Variants in NBAS observed in about 807,000 individuals in gnomAD.
The protein encoded by NBAS is NBAS subunit of NRZ tethering complex.
A neutral mutation model predicts 302.5 loss-of-function variants in NBAS; 219 were observed. The observed-to-expected ratio is 0.72, with a 90% CI of 0.65 to 0.81. The LOEUF is 0.81. Ranked by LOEUF, NBAS falls within the 30% of genes least tolerant of loss-of-function variation. The pLI, the probability that NBAS is intolerant of heterozygous loss-of-function variation, is 0.00. For missense variants in NBAS, 2,932 were observed against 2,841.6 expected, an observed-to-expected ratio of 1.03 and a Z score of -0.72; for synonymous variants, 1,118 against 1,021.6, an observed-to-expected ratio of 1.09 and a Z score of -1.80.
chr2:14,933,863 A>G, the NBAS span, among the ~76,000 whole-genome samples: 1 of 152,218 alleles, frequency 6.6e-6, no homozygotes, highest in Non-Finnish European at 1.5e-5. Context: ...TAGAAATAGA[A>G]GTATTTTATT....
intron 24 of NBAS, 141 bp from the exon 25 acceptor site, chr2:15,415,860 G>A: frequency 1.2e-6 from 1 of 867,020 alleles, no homozygotes. Context: ...AAAACACACA[G>A]TCCAGTTCAC....
intron 26 of NBAS, among the ~76,000 whole-genome samples, chr2:15,400,575 G>A (rs935327608): frequency 2.6e-5 from 4 of 152,102 alleles, no homozygotes; most frequent in African/African-American, 9.7e-5. Flanking sequence ...GGTAGGCAAA[G>A]ACAAGGAAAA....
At position 15,509,919 on chromosome 2, in the gene NBAS, G is replaced by A. The variant is rs566224114; in HGVS notation, c.885+1293C>T. 5.1e-4 allele frequency among the ~76,000 whole-genome samples: 77 copies of A among 152,070 alleles called. 1 individual carries two copies. The South Asian group carries it at 9.7e-3, about 19-fold the overall frequency. On this transcript the variant is annotated intron_variant, in intron 10 of 51. Transcript: ENST00000281513. ...GGCTGGAGTGCAGTGGCACAATCTC[G>A]GCTCACTGCAACCTCCGCCTCCCAG...
At chr2:15,454,315 A>G (rs551142043) in intron 21 of NBAS, among the ~76,000 whole-genome samples, 17 of 152,248 alleles carry the variant, frequency 1.1e-4, no homozygotes, top group African/African-American at 4.1e-4. Flanking sequence ...GGAAAAATAG[A>G]GTTTATTTCC....
chr2:15,235,830 G>T (rs937760934), intron 45 of NBAS, among the ~76,000 whole-genome samples: 8 of 152,274 alleles, frequency 5.3e-5, no homozygotes, highest in Non-Finnish European at 1.0e-4. Context: ...TCTGCCCATT[G>T]TGAAATTCTC....
the NBAS span, among the ~76,000 whole-genome samples, chr2:14,868,990 G>A: frequency 2.6e-5 from 4 of 152,052 alleles, no homozygotes; most frequent in African/African-American, 9.7e-5. Context: ...AGGTTCCAGG[G>A]GACATGTCAC....
At chr2:15,387,125 T>C (rs1675339109) in intron 28 of NBAS, among the ~76,000 whole-genome samples, 1 of 149,200 alleles carries the variant, frequency 6.7e-6, no homozygotes, top group African/African-American at 2.5e-5. Context: ...TGGAGAGCAG[T>C]GGTGCAATCT....
At chr2:15,200,208 T>A (rs1665812669) in intron 48 of NBAS, among the ~76,000 whole-genome samples, 1 of 152,118 alleles carries the variant, frequency 6.6e-6, no homozygotes, top group African/African-American at 2.4e-5. Flanking sequence ...GGATATTTGT[T>A]ATGATTACTT....
At chr2:15,381,588 T>A (rs1431001303) in intron 29 of NBAS, among the ~76,000 whole-genome samples, 3 of 152,168 alleles carry the variant, frequency 2.0e-5, no homozygotes, top group South Asian at 2.1e-4. Context: ...GCAATCAGAA[T>A]CAGAAACAGG....
intron 38 of NBAS, among the ~76,000 whole-genome samples, chr2:15,326,245 T>G (rs1434547948): frequency 6.6e-6 from 1 of 152,116 alleles, no homozygotes; most frequent in Non-Finnish European, 1.5e-5. Flanking sequence ...TCTGATAGAC[T>G]TGCTTGACAT....
chr2:14,868,583 C>T, the NBAS span, among the ~76,000 whole-genome samples: 4 of 152,112 alleles, frequency 2.6e-5, no homozygotes, highest in East Asian at 1.9e-4. Context: ...TAGGCACGGA[C>T]GGAATTTTTT....
At chr2:15,092,124 G>A in the NBAS span, among the ~76,000 whole-genome samples, 1 of 152,158 alleles carries the variant, frequency 6.6e-6, no homozygotes, top group South Asian at 2.1e-4. Flanking sequence ...AACTGGAGAT[G>A]AGAAATTTGA....
chr2:14,801,544 T>C, the NBAS span, among the ~76,000 whole-genome samples: 1 of 152,172 alleles, frequency 6.6e-6, no homozygotes, highest in Admixed American at 6.5e-5. Context: ...ATGTTCAATC[T>C]TTCCTTTGGC....
chr2:15,266,672 G>A (rs964689622), intron 44 of NBAS, among the ~76,000 whole-genome samples: 1 of 152,174 alleles, frequency 6.6e-6, no homozygotes, highest in East Asian at 1.9e-4. Flanking sequence ...AAGATTGCTT[G>A]TCAGTGTTTG....
rs1197133839 is a variant in NBAS at position 15,394,280 on chromosome 2, G to A, written c.3204C>T (p.Ser1068=). ...PISFVKNTQS[S]SEEARKLMVR... ...CCATCAGCTTGCGTGCCTCTTCTGA[G>A]CTAGATTGAGTGTTTTTAACAAATG... Residue 1068 remains serine (S), a synonymous_variant, in exon 28 of 52, where the codon AGC becomes AGT. Coordinates refer to ENST00000281513, the MANE Select transcript of NBAS (RefSeq NM_015909.4). 1.2e-6 allele frequency: 2 copies of A among 1,612,778 alleles called. No individual in the cohort carries two copies. The highest frequency in any genetic ancestry group is 1.7e-6 in the Non-Finnish European group (2 of 1,179,368).
chr2:14,823,742 T>C, the NBAS span, among the ~76,000 whole-genome samples: 1 of 152,250 alleles, frequency 6.6e-6, no homozygotes, highest in Non-Finnish European at 1.5e-5. Flanking sequence ...TTTTTTTTCC[T>C]AATAAATGCA....
chr2:15,179,436 T>TA lies in NBAS; in HGVS notation c.6712-321dup, dbSNP rs1483814083. On this transcript the variant is annotated intron_variant, in intron 50 of 51. Coordinates refer to ENST00000281513, the MANE Select transcript of NBAS (RefSeq NM_015909.4). ...CTCACAGCCCTAATTTCCTCATAAG[T>TA]AAAATGTATGTATTTATAGCTCCTT... 7.3e-5 allele frequency: 23 copies of TA among 316,020 alleles called. No individual in the cohort carries two copies. In the East Asian group the frequency reaches 7.6e-4, roughly 10 times the overall value. 19.6% of individuals were successfully genotyped at this position (316,020 alleles called of 1,614,324 possible). A position where few individuals can be genotyped will look rare whatever the true frequency, so the allele number is the denominator to read the frequency against.
chr2:15,386,382 T>C (rs1204640766), intron 28 of NBAS, among the ~76,000 whole-genome samples: 2 of 152,242 alleles, frequency 1.3e-5, no homozygotes, highest in Non-Finnish European at 2.9e-5. Context: ...TTTACTTTGA[T>C]AGTTGGGTTA....
chr2:15,260,745 T>G (rs1478167622), intron 44 of NBAS, among the ~76,000 whole-genome samples: 1 of 152,206 alleles, frequency 6.6e-6, no homozygotes, highest in African/African-American at 2.4e-5. Context: ...GTTGACACAG[T>G]AGCTTTCAAA....
Sources: allele counts gnomAD v4.1 joint callset (sites outside exome capture counted in the v4.1 genomes callset), GRCh38; gene constraint gnomAD v4.1.1; transcripts MANE v1.5; gene names NCBI Gene and HGNC (gene_info 2026-07-23, HGNC 2026-07-21).